The following UGT1A9 variants were observed in gnomAD, a reference collection of about 807,000 sequenced individuals.
UGT1A9 encodes the protein UDP-glucuronosyltransferase 1A9.
In UGT1A9, 35 loss-of-function variants were observed where a neutral mutation model predicts 45.0. The observed-to-expected ratio is 0.78, with a 90% CI of 0.59 to 1.03. The LOEUF is 1.03. UGT1A9 is among the 50% of genes least tolerant of loss of function. The pLI is 0.00. For missense variants in UGT1A9, 687 were observed against 666.6 expected (o/e 1.03, Z -0.34); for synonymous variants, 278 against 250.6 (o/e 1.11, Z -1.03).
At chr2:233,738,799 A>T (rs560020824) in intron 1 of UGT1A9, among the ~76,000 whole-genome samples, 1 of 152,338 alleles carries the variant, frequency 6.6e-6, no homozygotes, top group African/African-American at 2.4e-5. Flanking sequence ...ATGCAGAAAT[A>T]CTAGCTAAAG....
At chr2:233,682,048 C>T (rs1480483595) in intron 1 of UGT1A9, 1 of 1,614,002 alleles carries the variant, frequency 6.2e-7, no homozygotes, top group Non-Finnish European at 8.5e-7. Context: ...ATGGGAGCCA[C>T]TGGTTCACCA....
chr2:233,770,422 G>A (rs995965680), intron 4 of UGT1A9: 1 of 152,196 alleles, frequency 6.6e-6, no homozygotes, highest in Non-Finnish European at 1.5e-5. Flanking sequence ...GGGAGGCCGA[G>A]GCAGGTGGAT....
intron 1 of UGT1A9, among the ~76,000 whole-genome samples, chr2:233,704,960 A>AC (rs1240949729): frequency 6.6e-6 from 1 of 152,052 alleles, no homozygotes; most frequent in Non-Finnish European, 1.5e-5. Flanking sequence ...ACATGGTGAA[A>AC]CCCCATCTCT....
At chr2:233,701,158 T>C (rs2075613048) in intron 1 of UGT1A9, among the ~76,000 whole-genome samples, 1 of 152,210 alleles carries the variant, frequency 6.6e-6, no homozygotes, top group South Asian at 2.1e-4. Context: ...TTTGCTATTG[T>C]GAATAGTGCC....
At chr2:233,713,300 A>G in intron 1 of UGT1A9, 1 of 1,614,272 alleles carries the variant, frequency 6.2e-7, no homozygotes, top group Non-Finnish European at 8.5e-7. Context: ...TCTTTGAAAC[A>G]GAACATCTTC....
intron 1 of UGT1A9, among the ~76,000 whole-genome samples, chr2:233,709,572 T>G (rs1359282457): frequency 6.6e-6 from 1 of 152,130 alleles, no homozygotes; most frequent in African/African-American, 2.4e-5. Context: ...AACTTAAAAT[T>G]CAAAAAATAT....
At chr2:233,754,995 C>T (rs769077985) in intron 1 of UGT1A9, 25 of 1,295,296 alleles carry the variant, frequency 1.9e-5, no homozygotes, top group Non-Finnish European at 2.3e-5. Flanking sequence ...GTCACGGAAG[C>T]TGAAGACCTA....
intron 1 of UGT1A9, chr2:233,743,295 G>A (rs1319359883): frequency 1.8e-6 from 1 of 548,688 alleles, no homozygotes; most frequent in African/African-American, 2.0e-5. Flanking sequence ...CATTCTCAAT[G>A]ATTCTCTTGG....
At chr2:233,761,241 A>G in intron 1 of UGT1A9, 1 of 1,611,640 alleles carries the variant, frequency 6.2e-7, no homozygotes, top group Non-Finnish European at 8.5e-7. Context: ...TATGCTGAGC[A>G]AGCATTCTGA....
intron 1 of UGT1A9, among the ~76,000 whole-genome samples, chr2:233,727,500 G>A (rs1156427094): frequency 6.6e-6 from 1 of 152,198 alleles, no homozygotes; most frequent in Non-Finnish European, 1.5e-5. Flanking sequence ...GAACATGGGA[G>A]CCCATGAATG....
chr2:233,755,295 G>A (rs566293280), intron 1 of UGT1A9: 4 of 631,344 alleles, frequency 6.3e-6, no homozygotes, highest in African/African-American at 3.8e-5. Context: ...AGCCTGCGGG[G>A]CACTGGCACA....
At chr2:233,717,191 C>T (rs1575515961) in intron 1 of UGT1A9, among the ~76,000 whole-genome samples, 1 of 152,208 alleles carries the variant, frequency 6.6e-6, no homozygotes, top group Non-Finnish European at 1.5e-5. Context: ...CCCTCCCAGG[C>T]ATGTTCCACC....
intron 1 of UGT1A9, among the ~76,000 whole-genome samples, chr2:233,735,445 G>A (rs1440470115): frequency 6.6e-6 from 1 of 152,036 alleles, no homozygotes; most frequent in Non-Finnish European, 1.5e-5. Flanking sequence ...GCATACCGAT[G>A]GGCCTTGACT....
rs1169800430 is a variant in UGT1A9 at position 233,672,684 on chromosome 2, T to G, written c.750T>G (p.Ile250Met). ...ATGATCTCTACAGCCACACATCAAT[T>G]TGGTTGTTGCGAACGGACTTTGTTT... ...TEYDLYSHTS[I>M]WLLRTDFVLD... Residue 250 changes from isoleucine (I) to methionine (M), a missense_variant, in exon 1 of 5, where the codon ATT (isoleucine) becomes ATG (methionine). Ile to Met is a conservative substitution (Grantham distance 10). Coordinates refer to ENST00000354728, the MANE Select transcript of UGT1A9 (RefSeq NM_021027.3). 16 of 1,613,764 alleles carry G rather than the reference T, an allele frequency of 9.9e-6. No individual in the cohort carries two copies. The highest frequency in any genetic ancestry group is 1.3e-5 in the Non-Finnish European group (15 of 1,179,834).
chr2:233,743,460 A>AC, intron 1 of UGT1A9: 1 of 1,365,926 alleles, frequency 7.3e-7, no homozygotes. Context: ...AAGAAAAAAC[A>AC]CCCCCAAAAG....
intron 1 of UGT1A9, among the ~76,000 whole-genome samples, chr2:233,766,590 C>T (rs1008625240): frequency 6.6e-6 from 1 of 152,194 alleles, no homozygotes; most frequent in Admixed American, 6.5e-5. Context: ...GTGGAGCCCT[C>T]GCCAGGGACC....
At chr2:233,744,380 A>G (rs1168834333) in intron 1 of UGT1A9, among the ~76,000 whole-genome samples, 1 of 151,890 alleles carries the variant, frequency 6.6e-6, no homozygotes, top group Non-Finnish European at 1.5e-5. Context: ...GCAGTTCTCC[A>G]ACGTTCCAGC....
chr2:233,713,648 C>T (rs17863790), intron 1 of UGT1A9: 157,940 of 1,613,756 alleles, frequency 0.098, 8,753 homozygotes, highest in South Asian at 0.2. Flanking sequence ...ACCCTCTGGC[C>T]CTGTCCTACC....
intron 1 of UGT1A9, chr2:233,741,799 G>C (rs1253457401): frequency 6.6e-6 from 1 of 151,906 alleles, no homozygotes; most frequent in Non-Finnish European, 1.5e-5. Flanking sequence ...TTACCAGCAT[G>C]CTGCTCTTAA....
Sources: allele counts gnomAD v4.1 joint callset (sites outside exome capture counted in the v4.1 genomes callset), GRCh38; gene constraint gnomAD v4.1.1; transcripts MANE v1.5; gene names NCBI Gene and HGNC (gene_info 2026-07-23, HGNC 2026-07-21).